The following PIP5K1B variants were observed in gnomAD, a reference collection of about 807,000 sequenced individuals.
PIP5K1B encodes the protein phosphatidylinositol 4-phosphate 5-kinase type-1 beta.
A neutral mutation model predicts 67.0 loss-of-function variants in PIP5K1B; 42 were observed. The ratio of observed to expected loss-of-function variants is 0.63; its 90% CI spans 0.49 to 0.81. The LOEUF is 0.81. Ranked by LOEUF, PIP5K1B falls within the 30% of genes least tolerant of loss-of-function variation. The probability of loss-of-function intolerance (pLI) is 0.00; values close to 1 mark genes in which losing one functional copy is unlikely to be tolerated. For synonymous variants in PIP5K1B, 214 were observed against 231.4 expected (o/e 0.92, Z 0.68); for missense variants, 459 against 646.3 (o/e 0.71, Z 3.14).
At chr9:68,850,240 A>G (rs80045269) in intron 4 of PIP5K1B, among the ~76,000 whole-genome samples, 2 of 152,332 alleles carry the variant, frequency 1.3e-5, no homozygotes, top group East Asian at 3.9e-4. Flanking sequence ...AGTCGGACAC[A>G]TCATTTCCTG....
At chr9:68,812,743 C>A (rs985752793) in intron 2 of PIP5K1B, among the ~76,000 whole-genome samples, 4 of 152,132 alleles carry the variant, frequency 2.6e-5, no homozygotes, top group Admixed American at 2.0e-4. Flanking sequence ...TGGAGGACTG[C>A]CTGAAAGATA....
rs183216359 is a variant in PIP5K1B at position 68,867,387 on chromosome 9, A to G, written c.200+3420A>G. On this transcript the variant is annotated intron_variant, in intron 5 of 15. Transcript: ENST00000265382. ...GATGGATTTACAGTAAACAGAAGAA[A>G]CTTATGTTAGTCTTGCCTCAGTTTC... is the stretch of plus-strand genomic sequence containing the variant. Among the ~76,000 whole-genome samples the G allele has an allele frequency of 5.7e-4, 87 of 152,348 alleles. 1 individual carries two copies. The highest frequency in any genetic ancestry group is 3.3e-3 in the Admixed American group (51 of 15,304).
intron 1 of PIP5K1B, among the ~76,000 whole-genome samples, chr9:68,714,351 T>C (rs1413790071): frequency 2.0e-5 from 3 of 152,178 alleles, no homozygotes; most frequent in Non-Finnish European, 2.9e-5. Context: ...ACACACCACA[T>C]CTAATCCATC....
intron 4 of PIP5K1B, chr9:68,824,253 T>C (rs1833873826): frequency 3.9e-6 from 2 of 518,628 alleles, no homozygotes; most frequent in Admixed American, 3.9e-5. Context: ...GCACTGAAAT[T>C]CTTGACCAAA....
chr9:68,995,085 A>C (rs889250686), intron 15 of PIP5K1B, among the ~76,000 whole-genome samples: 1 of 151,838 alleles, frequency 6.6e-6, no homozygotes, highest in African/African-American at 2.4e-5. Flanking sequence ...CTGAGGTTGC[A>C]GTGAGCCATG....
At chr9:68,736,776 T>A (rs1049967669) in intron 1 of PIP5K1B, among the ~76,000 whole-genome samples, 2 of 152,236 alleles carry the variant, frequency 1.3e-5, no homozygotes, top group African/African-American at 2.4e-5. Flanking sequence ...TTACTTTGGG[T>A]GCATTTGGAT....
At chr9:68,869,307 T>A (rs140431551) in intron 5 of PIP5K1B, among the ~76,000 whole-genome samples, 3 of 152,326 alleles carry the variant, frequency 2.0e-5, no homozygotes, top group Non-Finnish European at 2.9e-5. Flanking sequence ...TGTAGTGAAC[T>A]GTGCATACAA....
chr9:68,986,591 C>A lies in PIP5K1B; in HGVS notation c.1503-4549C>A, dbSNP rs80170767. 6.8e-3 allele frequency among the ~76,000 whole-genome samples: 1,024 copies of A among 151,670 alleles called. 17 individuals carry two copies. Among genetic ancestry groups the A allele is most frequent in the East Asian group, 0.04 (205 of 5,176 alleles). ...GTTTGAAAAACAGTATAAATAACAA[C>A]GTTTTAAAAAAAAGAAAGATGCCCA... On this transcript the variant is annotated intron_variant, in intron 14 of 15. Transcript: ENST00000265382.
intron 8 of PIP5K1B, 35 bp from the exon 9 acceptor site, chr9:68,917,513 G>A: frequency 6.6e-7 from 1 of 1,517,372 alleles, no homozygotes; most frequent in Non-Finnish European, 9.2e-7. Context: ...CAGGCCTTTG[G>A]GTTGACTGGC....
At chr9:68,990,172 A>G (rs1457352100) in intron 14 of PIP5K1B, among the ~76,000 whole-genome samples, 1 of 152,200 alleles carries the variant, frequency 6.6e-6, no homozygotes, top group Admixed American at 6.5e-5. Flanking sequence ...GACATAACAC[A>G]GTGCTCTGTG....
At chr9:68,745,295 T>C (rs1243739699) in intron 2 of PIP5K1B, among the ~76,000 whole-genome samples, 1 of 152,216 alleles carries the variant, frequency 6.6e-6, no homozygotes, top group Non-Finnish European at 1.5e-5. Flanking sequence ...GCCTGCTTGC[T>C]TCAATCATTC....
chr9:68,983,148 T>C (rs976342372), intron 14 of PIP5K1B, among the ~76,000 whole-genome samples: 2 of 152,220 alleles, frequency 1.3e-5, no homozygotes, highest in Non-Finnish European at 2.9e-5. Flanking sequence ...TGTGAGACTA[T>C]AGCACTTGCA....
chr9:68,881,913 G>A (rs767734481), intron 6 of PIP5K1B, among the ~76,000 whole-genome samples: 7 of 152,140 alleles, frequency 4.6e-5, no homozygotes, highest in South Asian at 2.1e-4. Flanking sequence ...GCTCACCTGC[G>A]CCAATAAGAA....
intron 2 of PIP5K1B, among the ~76,000 whole-genome samples, chr9:68,769,053 TGTACA>T (rs1830564108): frequency 6.6e-6 from 1 of 152,244 alleles, no homozygotes; most frequent in East Asian, 1.9e-4. Context: ...CCTCAGTAAA[TGTACA>T]ACTTGTTTAT....
chr9:68,916,640 G>C (rs146611190), intron 8 of PIP5K1B, among the ~76,000 whole-genome samples: 2 of 152,126 alleles, frequency 1.3e-5, no homozygotes, highest in African/African-American at 4.8e-5. Flanking sequence ...TTGGGAGGCC[G>C]AGGCAGGCAG....
At chr9:68,741,755 T>C (rs1410874613) in intron 1 of PIP5K1B, 2 of 152,284 alleles carry the variant, frequency 1.3e-5, no homozygotes, top group South Asian at 2.1e-4. Context: ...CTTCCTCTCT[T>C]TGGCATTTCT....
intron 2 of PIP5K1B, among the ~76,000 whole-genome samples, chr9:68,788,036 A>G (rs146218312): frequency 1.3e-5 from 2 of 152,296 alleles, no homozygotes; most frequent in East Asian, 3.9e-4. Context: ...TTCAGTAGAA[A>G]CCATGTTAAA....
intron 2 of PIP5K1B, among the ~76,000 whole-genome samples, chr9:68,802,087 T>G (rs185363549): frequency 6.6e-6 from 1 of 152,378 alleles, no homozygotes; most frequent in Non-Finnish European, 1.5e-5. Flanking sequence ...ATAATGATTT[T>G]TAAAGTTATT....
chr9:68,717,086 G>A (rs1319318828), intron 1 of PIP5K1B, among the ~76,000 whole-genome samples: 1 of 152,266 alleles, frequency 6.6e-6, no homozygotes. Context: ...GCTCCAAAGG[G>A]GACAGGGAAG....
Sources: gnomAD v4.1 joint callset for allele counts (sites outside exome capture counted in the v4.1 genomes callset) on GRCh38, gnomAD v4.1.1 for gene constraint, MANE v1.5 for transcripts, NCBI Gene and HGNC (gene_info 2026-07-23, HGNC 2026-07-21) for gene names.